Variants in SORCS2 observed in about 807,000 individuals in gnomAD.
SORCS2 encodes VPS10 domain-containing receptor SorCS2.
A neutral mutation model predicts 141.6 loss-of-function variants in SORCS2; 100 were observed. The ratio of observed to expected loss-of-function variants is 0.71; its 90% CI spans 0.60 to 0.83. The LOEUF is 0.83. Ranked by LOEUF, SORCS2 falls within the 40% of genes least tolerant of loss-of-function variation. SORCS2 has a pLI of 0.00. For missense variants in SORCS2, 1,646 were observed against 1,560.2 expected (o/e 1.05, Z -0.93); for synonymous variants, 789 against 676.9 (o/e 1.17, Z -2.57).
chr4:7,578,893 A>G (rs371444886), intron 3 of SORCS2, among the ~76,000 whole-genome samples: 1 of 152,316 alleles, frequency 6.6e-6, no homozygotes, highest in East Asian at 1.9e-4. Flanking sequence ...AGCCCACCTT[A>G]TCCCTAAGTT....
chr4:7,428,215 G>T (rs559054406), intron 2 of SORCS2, among the ~76,000 whole-genome samples: 1 of 152,316 alleles, frequency 6.6e-6, no homozygotes, highest in Admixed American at 6.5e-5. Context: ...TGAAAGATGG[G>T]CTCCATATTG....
chr4:7,507,294 C>T (rs757480327), intron 2 of SORCS2, among the ~76,000 whole-genome samples: 14 of 152,118 alleles, frequency 9.2e-5, no homozygotes, highest in Admixed American at 2.0e-4. Flanking sequence ...CCTGCCTCAG[C>T]CTCCTGAGTA....
chr4:7,470,408 G>T (rs1037386447), intron 2 of SORCS2, among the ~76,000 whole-genome samples: 4 of 151,872 alleles, frequency 2.6e-5, no homozygotes, highest in Admixed American at 2.0e-4. Context: ...CATCCATCCA[G>T]CCATCCAGCC....
At chr4:7,543,939 C>CCCATCCACCCATCCACCCATCCATCCAT (rs1553881897) in intron 3 of SORCS2, among the ~76,000 whole-genome samples, 1 of 16,892 alleles carries the variant, frequency 5.9e-5, no homozygotes, top group East Asian at 3.8e-3. Flanking sequence ...CACCCATCCA[C>CCCATCCACCCATCCACCCATCCATCCAT]CCATCCATCC....
chr4:7,702,267 C>G (rs542037887), intron 12 of SORCS2, among the ~76,000 whole-genome samples: 1 of 152,106 alleles, frequency 6.6e-6, no homozygotes, highest in African/African-American at 2.4e-5. Context: ...GGGCCACTTT[C>G]GAGGAGGGGC....
chr4:7,645,635 G>A (rs1382928224), intron 4 of SORCS2, among the ~76,000 whole-genome samples: 1 of 152,158 alleles, frequency 6.6e-6, no homozygotes, highest in African/African-American at 2.4e-5. Context: ...ACAACCAATG[G>A]CTGGAGCTGC....
At chr4:7,292,412 G>A (rs554088142) in intron 1 of SORCS2, among the ~76,000 whole-genome samples, 8 of 152,254 alleles carry the variant, frequency 5.3e-5, no homozygotes, top group Non-Finnish European at 2.9e-5. Context: ...CCAGAGATCT[G>A]ATCCGGGCAC....
At chr4:7,655,981 C>T (rs924629402) in intron 5 of SORCS2, among the ~76,000 whole-genome samples, 5 of 152,340 alleles carry the variant, frequency 3.3e-5, no homozygotes, top group South Asian at 2.1e-4. Flanking sequence ...TGCTGTTACT[C>T]GAGGGAATCA....
intron 1 of SORCS2, among the ~76,000 whole-genome samples, chr4:7,336,142 G>A (rs1336944758): frequency 6.6e-6 from 1 of 152,236 alleles, no homozygotes. Context: ...GGTGCTGGAA[G>A]GAAGGAGGGC....
At chr4:7,499,337 G>A (rs1431315409) in intron 2 of SORCS2, among the ~76,000 whole-genome samples, 2 of 152,176 alleles carry the variant, frequency 1.3e-5, no homozygotes, top group African/African-American at 2.4e-5. Context: ...TGTGATGCTG[G>A]AGGCCATGGG....
At chr4:7,702,281 A>G (rs1725137484) in intron 12 of SORCS2, among the ~76,000 whole-genome samples, 1 of 152,140 alleles carries the variant, frequency 6.6e-6, no homozygotes, top group South Asian at 2.1e-4. Context: ...GAGGGGCGGT[A>G]TGGGGCGAGG....
chr4:7,515,642 C>T (rs528035819), intron 2 of SORCS2, among the ~76,000 whole-genome samples: 8 of 152,262 alleles, frequency 5.3e-5, no homozygotes, highest in African/African-American at 1.9e-4. Context: ...GCCCTGCAGA[C>T]GTAAGCCTTT....
At chr4:7,565,021 C>T (rs1353817665) in intron 3 of SORCS2, among the ~76,000 whole-genome samples, 1 of 152,076 alleles carries the variant, frequency 6.6e-6, no homozygotes. Context: ...TTTGGATGCT[C>T]CTCCTCATGT....
chr4:7,620,818 G>T (rs769404641), intron 3 of SORCS2, among the ~76,000 whole-genome samples: 15 of 152,286 alleles, frequency 9.8e-5, no homozygotes, highest in South Asian at 6.2e-4. Context: ...CACGGTGGGG[G>T]GTCTCCCCTG....
rs2108922420 is a variant in SORCS2 at position 7,663,619 on chromosome 4, T to G, written c.953-734T>G. 6.6e-6 allele frequency among the ~76,000 whole-genome samples: 1 copy of G among 152,318 alleles called. No homozygotes were observed. The highest frequency in any genetic ancestry group is 2.1e-4 in the South Asian group (1 of 4,828). ...CACCCCATTGTTCAGTGCAGAAACC[T>G]GAGGCTGAGCTTAGGGGTGGGCTTT... On this transcript the variant is annotated intron_variant, in intron 6 of 26. Coordinates refer to ENST00000507866, the MANE Select transcript of SORCS2 (RefSeq NM_020777.3). The surrounding 1 kb of genome is among the most constrained non-coding windows in gnomAD (Gnocchi z 4.8).
In SORCS2 at chr4:7,476,427, A is replaced by G. The variant is rs76746158; in HGVS notation, c.549-55103A>G. ...TGGGATGTGTCGGTGTTTGCTCTCA[A>G]TGCCTTCAATGGATTGGATAAGGCC... On this transcript the variant is annotated intron_variant, in intron 2 of 26. Coordinates refer to ENST00000507866, the MANE Select transcript of SORCS2 (RefSeq NM_020777.3). Among the ~76,000 whole-genome samples the G allele has an allele frequency of 9.5e-4, 145 of 152,184 alleles. 7 individuals carry two copies. The highest frequency in any genetic ancestry group is 5.2e-4 in the Admixed American group (8 of 15,292).
At chr4:7,244,828 C>T (rs1283365512) in intron 1 of SORCS2, among the ~76,000 whole-genome samples, 1 of 152,246 alleles carries the variant, frequency 6.6e-6, no homozygotes, top group Non-Finnish European at 1.5e-5. Flanking sequence ...TTTTGTTCTG[C>T]TCAAGAGCAG....
At chr4:7,644,263 G>A (rs1301098886) in intron 4 of SORCS2, among the ~76,000 whole-genome samples, 2 of 152,156 alleles carry the variant, frequency 1.3e-5, no homozygotes, top group South Asian at 4.1e-4. Context: ...TGGTGCAGCT[G>A]ATGTTGCCAT....
chr4:7,459,787 A>G (rs1342910908), intron 2 of SORCS2, among the ~76,000 whole-genome samples: 1 of 152,204 alleles, frequency 6.6e-6, no homozygotes, highest in East Asian at 1.9e-4. Flanking sequence ...GGTTGGGTTC[A>G]GGAGCCTTGA....
Sources: gnomAD v4.1 joint callset for allele counts (sites outside exome capture counted in the v4.1 genomes callset) on GRCh38, gnomAD v4.1.1 for gene constraint, Gnocchi (gnomAD v3.1) non-coding constraint, MANE v1.5 for transcripts, NCBI Gene and HGNC (gene_info 2026-07-23, HGNC 2026-07-21) for gene names.